The following RASAL2 variants were observed in gnomAD, a reference collection of about 807,000 sequenced individuals.
RASAL2 encodes RAS protein activator like 2, also known as ras GTPase-activating protein nGAP.
Under a neutral mutation model 128.9 loss-of-function variants are expected in RASAL2, and 58 were observed. The observed-to-expected ratio is 0.45, with a 90% confidence interval of 0.36 to 0.56. RASAL2 has a LOEUF of 0.56. RASAL2 is among the 20% of genes least tolerant of loss of function. The probability of loss-of-function intolerance (pLI) is 0.00; values close to 1 mark genes in which losing one functional copy is unlikely to be tolerated. For synonymous variants in RASAL2, 561 were observed against 580.8 expected (o/e 0.97, Z 0.49); for missense variants, 1,360 against 1,601.6 (o/e 0.85, Z 2.57).
At chr1:178,407,870 C>G (rs1352628701) in intron 4 of RASAL2, among the ~76,000 whole-genome samples, 1 of 152,198 alleles carries the variant, frequency 6.6e-6, no homozygotes. Context: ...AGTTGCATAG[C>G]AGCAGTTTTA....
At chr1:178,396,786 T>A (rs558028435) in intron 4 of RASAL2, among the ~76,000 whole-genome samples, 5 of 149,270 alleles carry the variant, frequency 3.3e-5, no homozygotes, top group African/African-American at 1.3e-4. Context: ...TTGATTATAA[T>A]ATCAATACAA....
chr1:178,143,382 G>T (rs185986069), intron 1 of RASAL2, among the ~76,000 whole-genome samples: 2 of 151,768 alleles, frequency 1.3e-5, no homozygotes, highest in African/African-American at 2.4e-5. Flanking sequence ...TTGAGAATGC[G>T]TGGAAGATAG....
chr1:178,294,657 A>G (rs768327874), intron 2 of RASAL2, among the ~76,000 whole-genome samples: 21 of 152,200 alleles, frequency 1.4e-4, no homozygotes, highest in Non-Finnish European at 2.5e-4. Context: ...TGGGTGTGCA[A>G]CACAACTATT....
intron 1 of RASAL2, among the ~76,000 whole-genome samples, chr1:178,160,098 G>C (rs186317059): frequency 1.3e-5 from 2 of 149,934 alleles, no homozygotes; most frequent in Admixed American, 1.3e-4. Flanking sequence ...TGTGCACAAC[G>C]TGCAGGTTTG....
chr1:178,439,846 A>C (rs977077032), intron 6 of RASAL2, among the ~76,000 whole-genome samples: 1 of 152,100 alleles, frequency 6.6e-6, no homozygotes. Context: ...AGGGGACAAG[A>C]CTAACAATAA....
At chr1:178,311,150 C>T (rs986954910) in intron 3 of RASAL2, among the ~76,000 whole-genome samples, 1 of 151,916 alleles carries the variant, frequency 6.6e-6, no homozygotes, top group Non-Finnish European at 1.5e-5. Context: ...TTATACTCCT[C>T]CCAGAAACTC....
intron 14 of RASAL2, among the ~76,000 whole-genome samples, chr1:178,458,907 T>G (rs1441042627): frequency 6.6e-6 from 1 of 152,224 alleles, no homozygotes; most frequent in Non-Finnish European, 1.5e-5. Flanking sequence ...AAATTAATCC[T>G]TCTTAATTTT....
At position 178,143,347 on chromosome 1, in the gene RASAL2, C is replaced by T. The variant is rs181334193; in HGVS notation, c.202+48653C>T. Reference sequence around the variant, plus strand: ...ACATTCCTGAAGAACCAATATTTGCCCTATTGTGAGTGATACTACCTTCAT... The same window carrying T: ...ACATTCCTGAAGAACCAATATTTGCTCTATTGTGAGTGATACTACCTTCAT... On this transcript the variant is annotated intron_variant, in intron 1 of 17. Coordinates refer to ENST00000367649, the MANE Select transcript of RASAL2 (RefSeq NM_170692.4). Among the ~76,000 whole-genome samples the T allele has an allele frequency of 1.3e-5, 2 of 151,354 alleles. 1 individual carries two copies. Among genetic ancestry groups the T allele is most frequent in the East Asian group, 3.9e-4 (2 of 5,132 alleles).
chr1:178,141,446 G>A (rs12239856), intron 1 of RASAL2, among the ~76,000 whole-genome samples: 1 of 151,934 alleles, frequency 6.6e-6, no homozygotes, highest in Admixed American at 6.6e-5. Flanking sequence ...TGTGAGCTGA[G>A]TTACAAAAGT....
intron 4 of RASAL2, among the ~76,000 whole-genome samples, chr1:178,392,000 A>G (rs1487954161): frequency 6.6e-6 from 1 of 152,236 alleles, no homozygotes; most frequent in Non-Finnish European, 1.5e-5. Flanking sequence ...AGCAGATAAA[A>G]TAGATTTTAA....
chr1:178,464,068 A>G (rs1486968235), intron 14 of RASAL2, among the ~76,000 whole-genome samples: 1 of 152,172 alleles, frequency 6.6e-6, no homozygotes, highest in Non-Finnish European at 1.5e-5. Flanking sequence ...GATATATGCA[A>G]CTTTCTATTC....
chr1:178,114,539 T>A (rs931817241), intron 1 of RASAL2, among the ~76,000 whole-genome samples: 1 of 151,824 alleles, frequency 6.6e-6, no homozygotes. Flanking sequence ...TTTTTTTCTT[T>A]GAGATGGAGT....
At chr1:178,407,743 T>A (rs1313006905) in intron 4 of RASAL2, among the ~76,000 whole-genome samples, 1 of 152,194 alleles carries the variant, frequency 6.6e-6, no homozygotes, top group Non-Finnish European at 1.5e-5. Context: ...ATTTTTCATG[T>A]GAAAGGTGAT....
intron 1 of RASAL2, among the ~76,000 whole-genome samples, chr1:178,159,370 G>A (rs1332572007): frequency 6.6e-6 from 1 of 152,144 alleles, no homozygotes; most frequent in Non-Finnish European, 1.5e-5. Flanking sequence ...AACTAGGCCA[G>A]TCACGCAATA....
rs571058791 is a variant in RASAL2, at chr1:178,309,047, G to T, written c.457+8929G>T. Among the ~76,000 whole-genome samples the T allele has an allele frequency of 4.6e-5, 7 of 152,168 alleles. No individual in the cohort carries two copies. The East Asian group carries it at 1.3e-3, about 29-fold the overall frequency. On this transcript the variant is annotated intron_variant, in intron 3 of 17. Coordinates refer to ENST00000367649, the MANE Select transcript of RASAL2 (RefSeq NM_170692.4). ...AAAAATGCTGATAAATAATGTCTGT[G>T]TATGGTAGTACTCAATATTTAGATT...
At chr1:178,159,767 A>G (rs1661210254) in intron 1 of RASAL2, among the ~76,000 whole-genome samples, 1 of 152,012 alleles carries the variant, frequency 6.6e-6, no homozygotes, top group South Asian at 2.1e-4. Context: ...TGTTTTTACT[A>G]AAAATAAAAA....
At chr1:178,341,482 C>CTTT (rs965745394) in intron 3 of RASAL2, 1 of 1,550,950 alleles carries the variant, frequency 6.4e-7, no homozygotes, top group African/African-American at 1.4e-5. Flanking sequence ...GAAATGAGAG[C>CTTT]AAAAAGGGAG....
At chr1:178,424,220 T>G (rs905370676) in intron 5 of RASAL2, among the ~76,000 whole-genome samples, 6 of 149,756 alleles carry the variant, frequency 4.0e-5, no homozygotes, top group Admixed American at 6.7e-5. Flanking sequence ...GTGTTGTGGT[T>G]TTTTTTTTTT....
chr1:178,464,047 C>T (rs1360454573), intron 14 of RASAL2, among the ~76,000 whole-genome samples: 2 of 152,082 alleles, frequency 1.3e-5, no homozygotes, highest in African/African-American at 4.8e-5. Flanking sequence ...ATAAGGATGC[C>T]TCTTGGATAT....
Sources: allele counts gnomAD v4.1 joint callset (sites outside exome capture counted in the v4.1 genomes callset), GRCh38; gene constraint gnomAD v4.1.1; transcripts MANE v1.5; gene names NCBI Gene and HGNC (gene_info 2026-07-23, HGNC 2026-07-21).